SNX9: variants seen among roughly 807,000 people sequenced by gnomAD.
SNX9 encodes the protein sorting nexin-9.
SNX9 carries 44 observed loss-of-function variants against 89.4 expected under a neutral mutation model. That is an observed-to-expected ratio of 0.49 (90% CI 0.39 to 0.63). The LOEUF is 0.63. SNX9 is among the 30% of genes least tolerant of loss of function. SNX9 has a pLI of 0.00. For synonymous variants in SNX9, 236 were observed against 247.8 expected (o/e 0.95, Z 0.45); for missense variants, 578 against 736.1 (o/e 0.79, Z 2.49).
intron 1 of SNX9, among the ~76,000 whole-genome samples, chr6:157,860,856 C>A (rs2115129238): frequency 6.6e-6 from 1 of 152,242 alleles, no homozygotes; most frequent in Non-Finnish European, 1.5e-5. Context: ...TGTACAGTCG[C>A]CTTTTGTTAC....
At chr6:157,833,105 G>A (rs1781506414) in intron 1 of SNX9, among the ~76,000 whole-genome samples, 1 of 152,156 alleles carries the variant, frequency 6.6e-6, no homozygotes, top group Non-Finnish European at 1.5e-5. Context: ...TATTTAAAAT[G>A]TGCGAGTTTA....
At chr6:157,916,020 G>A (rs1352608010) in intron 9 of SNX9, among the ~76,000 whole-genome samples, 1 of 150,674 alleles carries the variant, frequency 6.6e-6, no homozygotes, top group Admixed American at 6.6e-5. Context: ...TGGATTCTTT[G>A]GTTTTTTTGT....
chr6:157,926,032 T>A (rs1783685158), intron 10 of SNX9, among the ~76,000 whole-genome samples: 1 of 152,186 alleles, frequency 6.6e-6, no homozygotes, highest in Admixed American at 6.5e-5. Context: ...AGGATGCTAA[T>A]CTCATTCACA....
chr6:157,939,774 T>C (rs554366535), intron 16 of SNX9, among the ~76,000 whole-genome samples: 1 of 152,322 alleles, frequency 6.6e-6, no homozygotes, highest in African/African-American at 2.4e-5. Flanking sequence ...GTTATCCAAA[T>C]TGAGAAATAC....
chr6:157,870,547 ACTCTCACCTG>A (rs1782381575), intron 2 of SNX9, among the ~76,000 whole-genome samples: 1 of 128,990 alleles, frequency 7.8e-6, no homozygotes, highest in African/African-American at 3.0e-5. Context: ...CCCCTCAGAC[ACTCTCACCTG>A]CTCTCACACA....
intron 1 of SNX9, among the ~76,000 whole-genome samples, chr6:157,859,592 C>T (rs1021586522): frequency 1.3e-5 from 2 of 152,164 alleles, no homozygotes; most frequent in African/African-American, 4.8e-5. Flanking sequence ...AAAAATGTTA[C>T]TTTCGTATAT....
rs1782493808 is a variant in SNX9, at chr6:157,875,168, A to C, written c.292A>C (p.Asn98His). The C allele has an allele frequency of 6.2e-7, 1 of 1,608,376 alleles. No individual in the cohort carries two copies. The highest frequency in any genetic ancestry group is 1.1e-5 in the South Asian group (1 of 89,708). The change falls in exon 4 of 18, where the codon AAT becomes CAT. Residue 98 changes from asparagine to histidine, a missense_variant. Asn to His is a moderately conservative substitution (Grantham distance 68). Around this residue, in one of 2 missense-constraint regions of SNX9, gnomAD observed 230 missense variants for 244.7 expected, o/e 0.94. Transcript: ENST00000392185. ...GGCCAGTTCGTCGGCTGCCAGCAAC[A>C]ATCACCAGGTACGTCTCACTTCCTC... ...AQASSSAASN[N>H]HQVGSGNDPW...
intron 17 of SNX9, 28 bp downstream of exon 17, chr6:157,941,002 A>G: frequency 1.9e-6 from 3 of 1,594,550 alleles, no homozygotes; most frequent in South Asian, 1.1e-5. Flanking sequence ...TGCCTTTCGC[A>G]TGTGCTTGAG....
intron 3 of SNX9, 128 bp downstream of exon 3, chr6:157,873,304 T>A: frequency 1.9e-6 from 1 of 527,868 alleles, no homozygotes; most frequent in Non-Finnish European, 3.1e-6. Flanking sequence ...TAATAAATGT[T>A]AACTATATAA....
At position 157,907,506 on chromosome 6, in the gene SNX9, G is replaced by A. The variant is rs186518081; in HGVS notation, c.705+1294G>A. On this transcript the variant is annotated intron_variant, in intron 7 of 17. Transcript: ENST00000392185. ...TCACCATATTGGCCAGGCTGGTCTT[G>A]AACTCCTGACCTTGTGATCCGCCCA... 3.2e-3 allele frequency among the ~76,000 whole-genome samples: 483 copies of A among 152,238 alleles called. 1 individual carries two copies. The highest frequency in any genetic ancestry group is 4.2e-3 in the Non-Finnish European group (287 of 68,014).
chr6:157,888,042 G>A (rs955513903), intron 4 of SNX9, among the ~76,000 whole-genome samples: 5 of 152,134 alleles, frequency 3.3e-5, no homozygotes, highest in African/African-American at 1.2e-4. Flanking sequence ...GACCCTAAGA[G>A]CACACACCGG....
intron 1 of SNX9, among the ~76,000 whole-genome samples, chr6:157,848,531 C>T (rs926758295): frequency 3.3e-5 from 5 of 152,168 alleles, no homozygotes; most frequent in African/African-American, 1.2e-4. Context: ...GGGCAGTAAA[C>T]CTAGATGAAG....
intron 1 of SNX9, among the ~76,000 whole-genome samples, chr6:157,853,777 G>A (rs1029739746): frequency 1.8e-4 from 26 of 146,556 alleles, no homozygotes; most frequent in African/African-American, 6.6e-4. Flanking sequence ...ACATGCAAAT[G>A]TACATGTAAT....
intron 1 of SNX9, among the ~76,000 whole-genome samples, chr6:157,826,970 AC>A (rs60217709): frequency 0.06 from 2,029 of 33,822 alleles, 80 homozygotes; most frequent in South Asian, 0.085. Flanking sequence ...TATAATATAT[AC>A]ATATATATTA....
chr6:157,825,941 C>T (rs1781335244), intron 1 of SNX9, among the ~76,000 whole-genome samples: 1 of 152,134 alleles, frequency 6.6e-6, no homozygotes, highest in African/African-American at 2.4e-5. Context: ...TCCAGTGGCA[C>T]TCAGGCTGTT....
chr6:157,940,180 G>T (rs1784008769), intron 16 of SNX9, among the ~76,000 whole-genome samples: 1 of 152,232 alleles, frequency 6.6e-6, no homozygotes, highest in Non-Finnish European at 1.5e-5. Flanking sequence ...CAATTGCTGT[G>T]CAGGAGGGAG....
rs766131910 is a variant in SNX9, at chr6:157,938,749, T to C, written c.1648+2T>C. 6.2e-7 allele frequency: 1 copy of C among 1,611,306 alleles called. No homozygotes were observed. The highest frequency in any genetic ancestry group is 8.5e-7 in the Non-Finnish European group (1 of 1,178,182). ...GCATCATGTCTTACGCGTTGCAAGG[T>C]AAGATGAAAGGGTCCTTATGAGGTG... On this transcript the variant is annotated splice_donor_variant, in intron 16 of 17. Coordinates refer to ENST00000392185, the MANE Select transcript of SNX9 (RefSeq NM_016224.5). LOFTEE classifies it high-confidence loss of function.
intron 4 of SNX9, among the ~76,000 whole-genome samples, chr6:157,877,304 T>C (rs1782540945): frequency 1.3e-5 from 2 of 152,050 alleles, no homozygotes; most frequent in African/African-American, 4.8e-5. Flanking sequence ...TAGTCTAACA[T>C]TGAATCTAAT....
At chr6:157,940,726 T>C (rs956868356) in intron 16 of SNX9, among the ~76,000 whole-genome samples, 157 bp from the exon 17 acceptor site, 1 of 152,242 alleles carries the variant, frequency 6.6e-6, no homozygotes, top group African/African-American at 2.4e-5. Context: ...TCAACTTGTT[T>C]TTCTAACCTC....
Sources: allele counts gnomAD v4.1 joint callset (sites outside exome capture counted in the v4.1 genomes callset), GRCh38; gene constraint gnomAD v4.1.1; regional missense constraint gnomAD v4.1.1; transcripts MANE v1.5; gene names NCBI Gene and HGNC (gene_info 2026-07-23, HGNC 2026-07-21).